HMX1: variants seen among roughly 807,000 people sequenced by gnomAD.
HMX1 encodes the protein H6 family homeobox 1.
Under a neutral mutation model 8.9 loss-of-function variants are expected in HMX1, and 8 were observed. That is an observed-to-expected ratio of 0.90 (90% CI 0.53 to 1.63). The LOEUF is 1.63. HMX1 is among the 40% of genes most tolerant of loss of function. The pLI is 0.00. For missense variants in HMX1, 621 were observed against 558.5 expected (o/e 1.11, Z -1.13); for synonymous variants, 311 against 283.4 (o/e 1.10, Z -0.98).
downstream of HMX1, among the ~76,000 whole-genome samples, chr4:8,865,011 T>C (rs984468111): frequency 1.3e-5 from 2 of 152,228 alleles, no homozygotes; most frequent in African/African-American, 4.8e-5. Flanking sequence ...ACCGGTTCCA[T>C]GGTTCCCTAG....
At chr4:8,866,410 C>G (rs189453258), downstream of HMX1, among the ~76,000 whole-genome samples, 1 of 152,352 alleles carries the variant, frequency 6.6e-6, no homozygotes, top group East Asian at 1.9e-4. Context: ...TAGGCTGAAA[C>G]ACACACCAAA....
chr4:8,850,908 C>T (rs1393468450), intron 1 of HMX1, among the ~76,000 whole-genome samples: 1 of 152,230 alleles, frequency 6.6e-6, no homozygotes, highest in Non-Finnish European at 1.5e-5. Flanking sequence ...TGCTGGGTGC[C>T]CCAGAGAGTA....
At position 8,867,786 on chromosome 4, in the gene HMX1, G is replaced by C; in HGVS notation, c.954C>G (p.Leu318=). 1 of 1,256,328 alleles carries C rather than the reference G, an allele frequency of 8.0e-7. No individual in the cohort carries two copies. The highest frequency in any genetic ancestry group is 9.9e-7 in the Non-Finnish European group (1 of 1,005,030). The allele number at this position is 1,256,328 out of a possible 1,614,324, so 77.8% of individuals were successfully genotyped here. ...PAAPAPPPPL[L]GFSGALAYPL... Reference sequence around the variant, plus strand: ...GGTAGGCGAGGGCCCCGGAGAAGCCGAGCAGCGGTGGGGGCGGCGCGGGCG... The same window carrying C: ...GGTAGGCGAGGGCCCCGGAGAAGCCCAGCAGCGGTGGGGGCGGCGCGGGCG... Residue 318 remains leucine (L), a synonymous_variant, in exon 2 of 2, where the codon CTC becomes CTG. Coordinates refer to ENST00000400677, the MANE Select transcript of HMX1 (RefSeq NM_018942.3).
At chr4:8,856,198 C>T (rs929441385) in intron 1 of HMX1, among the ~76,000 whole-genome samples, 1 of 152,162 alleles carries the variant, frequency 6.6e-6, no homozygotes, top group African/African-American at 2.4e-5. Flanking sequence ...AAGTGAACTT[C>T]CCACCTTCCA....
chr4:8,857,324 G>A (rs958329354), intron 1 of HMX1, among the ~76,000 whole-genome samples: 2 of 152,172 alleles, frequency 1.3e-5, no homozygotes, highest in African/African-American at 4.8e-5. Context: ...CTGGAGGGTC[G>A]GGCGGCGGCG....
Position 8,868,162 on chromosome 4 carries a change from C to T in HMX1, c.578G>A (p.Arg193His), listed in dbSNP as rs773754788. The T allele has an allele frequency of 1.3e-6, 2 of 1,501,902 alleles. No homozygotes were observed. Among genetic ancestry groups the T allele is most frequent in the South Asian group, 1.2e-5 (1 of 80,162 alleles). 93.0% of individuals were successfully genotyped at this position (1,501,902 alleles called of 1,614,324 possible). A position where few individuals can be genotyped will look rare whatever the true frequency, so the allele number is the denominator to read the frequency against. Residue 193 changes from arginine (R) to histidine (H), a missense_variant, in exon 2 of 2, where the codon CGC becomes CAC. Physicochemically the swap from Arg to His is conservative, Grantham distance 29. Coordinates refer to ENST00000400677, the MANE Select transcript of HMX1 (RefSeq NM_018942.3). The surrounding 1 kb of genome is among the most constrained non-coding windows in gnomAD (Gnocchi z 4.6). Reference protein sequence around the residue: ...AEVPAAAGETRGGVGVGGGRK... With the variant: ...AEVPAAAGETHGGVGVGGGRK... Reference sequence around the variant, plus strand: ...GCCGCCGCCCACGCCAACGCCGCCGCGTGTCTCCCCAGCCGCCGCAGGGAC... The same window carrying T: ...GCCGCCGCCCACGCCAACGCCGCCGTGTGTCTCCCCAGCCGCCGCAGGGAC...
At chr4:8,858,191 G>T (rs902324621) in intron 1 of HMX1, among the ~76,000 whole-genome samples, 1 of 152,132 alleles carries the variant, frequency 6.6e-6, no homozygotes, top group African/African-American at 2.4e-5. Context: ...CAAATCAAAT[G>T]AGCGAGGCCC....
downstream of HMX1, among the ~76,000 whole-genome samples, chr4:8,864,041 T>A (rs2109468213): frequency 1.3e-5 from 2 of 152,258 alleles, no homozygotes; most frequent in South Asian, 4.1e-4. Context: ...TCAGGCCAGC[T>A]CCAGTGGGGA....
At chr4:8,866,274 G>A (rs573128466), downstream of HMX1, among the ~76,000 whole-genome samples, 41 of 152,218 alleles carry the variant, frequency 2.7e-4, no homozygotes, top group Non-Finnish European at 5.6e-4. Context: ...CGTATGGCCC[G>A]GCTGCTGCCC....
intron 1 of HMX1, among the ~76,000 whole-genome samples, chr4:8,861,354 C>T (rs561437173): frequency 2.0e-4 from 31 of 152,324 alleles, no homozygotes; most frequent in South Asian, 4.1e-4. Flanking sequence ...CCCCGGAGGC[C>T]GCGCTTCCCG....
rs1722057090 is a variant in HMX1 at position 8,867,800 on chromosome 4, G to C, written c.940C>G (p.Pro314Ala). 1 of 1,232,258 alleles carries C rather than the reference G, an allele frequency of 8.1e-7. No homozygotes were observed. The highest frequency in any genetic ancestry group is 1.0e-6 in the Non-Finnish European group (1 of 990,688). The allele number at this position is 1,232,258 out of a possible 1,614,324, so 76.3% of individuals were successfully genotyped here. Residue 314 changes from proline (P) to alanine (A), a missense_variant, in exon 2 of 2, where the codon CCC becomes GCC. Coordinates refer to ENST00000400677, the MANE Select transcript of HMX1 (RefSeq NM_018942.3). ...FPLAPAAPAPPPPLLGFSGAL... is the reference protein window; with the variant it reads ...FPLAPAAPAPAPPLLGFSGAL... ...CCGGAGAAGCCGAGCAGCGGTGGGG[G>C]CGGCGCGGGCGCGGCGGGCGCCAGC...
chr4:8,849,303 G>A lies in HMX1; in HGVS notation c.395-2979C>T, dbSNP rs1721370263. 3.3e-5 allele frequency among the ~76,000 whole-genome samples: 5 copies of A among 152,014 alleles called. No individual in the cohort carries two copies. The South Asian group carries it at 1.0e-3, about 32-fold the overall frequency. On this transcript the variant is annotated intron_variant, in intron 1 of 1. Coordinates refer to the HMX1 transcript ENST00000506970. This position sits in a 1 kb window ranked among gnomAD's most constrained non-coding sequence, Gnocchi z 6.6. ...CTGAGGTAAGCAAGCTGAAATGCAGGCAGGGCCCTACCCCAAGCTGAGTGG... is the reference window on the plus strand; with the variant it reads ...CTGAGGTAAGCAAGCTGAAATGCAGACAGGGCCCTACCCCAAGCTGAGTGG...
rs991280184 is a variant in HMX1 at position 8,867,627 on chromosome 4, C to G, written c.*66G>C. The G allele has an allele frequency of 2.5e-6, 3 of 1,206,032 alleles. No homozygotes were observed. The highest frequency in any genetic ancestry group is 3.1e-6 in the Non-Finnish European group (3 of 970,792). The allele number at this position is 1,206,032 out of a possible 1,614,324, so 74.7% of individuals were successfully genotyped here. ...CCCTAACGCCCCCTGAGCCCTGCGC[C>G]TGCCGCTGAATCGCGCGTCCACACA... On this transcript the variant is annotated 3_prime_UTR_variant, in exon 2 of 2. Coordinates refer to ENST00000400677, the MANE Select transcript of HMX1 (RefSeq NM_018942.3).
At chr4:8,864,157 G>A (rs1035590336), downstream of HMX1, among the ~76,000 whole-genome samples, 1 of 152,226 alleles carries the variant, frequency 6.6e-6, no homozygotes. Flanking sequence ...TGTCCTGTTG[G>A]CCTCACTCAA....
At chr4:8,850,397 T>A (rs751039753) in intron 1 of HMX1, among the ~76,000 whole-genome samples, 1 of 152,076 alleles carries the variant, frequency 6.6e-6, no homozygotes, top group Admixed American at 6.5e-5. Context: ...CGGTCTCCAC[T>A]GGCCCTGCTG....
intron 1 of HMX1, among the ~76,000 whole-genome samples, chr4:8,859,826 C>T (rs1265625473): frequency 1.3e-5 from 2 of 152,194 alleles, no homozygotes; most frequent in African/African-American, 4.8e-5. Context: ...CGTCCCGGCC[C>T]GAAGAAAGCT....
In HMX1 at chr4:8,858,931, G is replaced by A. The variant is rs375556342; in HGVS notation, c.394+12290C>T. The A allele has an allele frequency of 1.5e-4, 23 of 152,418 alleles. No individual in the cohort carries two copies. In the East Asian group the frequency reaches 2.7e-3, roughly 18 times the overall value. 9.4% of individuals were successfully genotyped at this position (152,418 alleles called of 1,614,324 possible). ...CACGCGGTGGTGGTGGTGGTGGGGGGTGCAATAGCCCCTCTGGTTCCTGGG... is the reference window on the plus strand; with the variant it reads ...CACGCGGTGGTGGTGGTGGTGGGGGATGCAATAGCCCCTCTGGTTCCTGGG... On this transcript the variant is annotated intron_variant, in intron 1 of 1. Transcript: ENST00000506970.
At chr4:8,850,853 G>T (rs1017688445) in intron 1 of HMX1, among the ~76,000 whole-genome samples, 1 of 152,210 alleles carries the variant, frequency 6.6e-6, no homozygotes, top group Admixed American at 6.5e-5. Flanking sequence ...GACTGTTGCC[G>T]CCAGTGTTGT....
intron 1 of HMX1, among the ~76,000 whole-genome samples, chr4:8,852,438 C>G (rs941509291): frequency 2.6e-5 from 4 of 152,168 alleles, no homozygotes; most frequent in Admixed American, 2.6e-4. Context: ...AAGCCTTGGA[C>G]AAAGCCACAC....
Sources: allele counts gnomAD v4.1 joint callset (sites outside exome capture counted in the v4.1 genomes callset), GRCh38; gene constraint gnomAD v4.1.1; non-coding constraint Gnocchi (gnomAD v3.1); transcripts MANE v1.5; gene names NCBI Gene and HGNC (gene_info 2026-07-23, HGNC 2026-07-21).